Variants in ROR2 observed in about 807,000 individuals in gnomAD.
ROR2 encodes the protein ROR family WNT receptor 2, also known as tyrosine-protein kinase transmembrane receptor ROR2.
Under a neutral mutation model 74.9 loss-of-function variants are expected in ROR2, and 33 were observed. The observed-to-expected ratio is 0.44, with a 90% confidence interval of 0.33 to 0.59. The LOEUF (loss-of-function observed/expected upper bound fraction) is 0.59. ROR2 is among the 20% of genes least tolerant of loss of function. The probability of loss-of-function intolerance (pLI) is 0.02; values close to 1 mark genes in which losing one functional copy is unlikely to be tolerated. For missense variants in ROR2, 1,216 were observed against 1,313.8 expected, an observed-to-expected ratio of 0.93 and a Z score of 1.15; for synonymous variants, 586 against 558.7, an observed-to-expected ratio of 1.05 and a Z score of -0.69.
chr9:91,856,268 A>T (rs1829282442), intron 1 of ROR2, among the ~76,000 whole-genome samples: 1 of 152,174 alleles, frequency 6.6e-6, no homozygotes, highest in Admixed American at 6.5e-5. Flanking sequence ...AGGCAGGAGG[A>T]TCACCTAGCC....
chr9:91,889,866 C>T (rs754010136), intron 1 of ROR2, among the ~76,000 whole-genome samples: 10 of 152,232 alleles, frequency 6.6e-5, no homozygotes, highest in Non-Finnish European at 1.0e-4. Context: ...AAGACACACT[C>T]TGCACAGCAA....
At chr9:91,817,873 A>C (rs1827999138) in intron 1 of ROR2, among the ~76,000 whole-genome samples, 1 of 151,640 alleles carries the variant, frequency 6.6e-6, no homozygotes, top group South Asian at 2.1e-4. Context: ...GAGGGAGGGG[A>C]AGGGGCTATG....
chr9:91,817,949 G>A (rs1011725210), intron 1 of ROR2, among the ~76,000 whole-genome samples: 5 of 152,232 alleles, frequency 3.3e-5, no homozygotes, highest in African/African-American at 1.2e-4. Context: ...TATCAGGTGG[G>A]GGAAAGGGAG....
intron 1 of ROR2, among the ~76,000 whole-genome samples, chr9:91,875,694 A>T (rs964729572): frequency 1.6e-4 from 25 of 152,316 alleles, no homozygotes; most frequent in South Asian, 8.3e-4. Flanking sequence ...GTTTTCAGAG[A>T]CATTCTCTGG....
At chr9:91,859,763 T>C (rs1829413348) in intron 1 of ROR2, among the ~76,000 whole-genome samples, 1 of 152,128 alleles carries the variant, frequency 6.6e-6, no homozygotes, top group African/African-American at 2.4e-5. Flanking sequence ...AGGCAGAGCT[T>C]GCAGTGAGCT....
chr9:91,804,241 C>G (rs751092099), intron 1 of ROR2, among the ~76,000 whole-genome samples: 4 of 152,176 alleles, frequency 2.6e-5, no homozygotes, highest in Non-Finnish European at 5.9e-5. Flanking sequence ...CAGGAACTGG[C>G]AGGAGGGAAG....
chr9:91,795,145 A>G (rs1334075214), intron 1 of ROR2, among the ~76,000 whole-genome samples: 2 of 152,148 alleles, frequency 1.3e-5, no homozygotes, highest in East Asian at 3.8e-4. Flanking sequence ...GTAATGCATT[A>G]TATAACAAAA....
At chr9:91,918,587 G>GTAA (rs1831194309) in intron 1 of ROR2, among the ~76,000 whole-genome samples, 1 of 152,206 alleles carries the variant, frequency 6.6e-6, no homozygotes, top group African/African-American at 2.4e-5. Context: ...ATGACACAAT[G>GTAA]TAATATGTTG....
In ROR2 at chr9:91,731,010, C is replaced by G; in HGVS notation, c.1083G>C (p.Gly361=). ...SSTDFPELGG[G]HAYCRNPGGQ... is the part of the protein sequence containing the mutation. Reference sequence around the variant, plus strand: ...CTCCGGGGTTCCGGCAGTAGGCGTGCCCCCCTCCAAGCTCAGGGAAGTCTG... The same window carrying G: ...CTCCGGGGTTCCGGCAGTAGGCGTGGCCCCCTCCAAGCTCAGGGAAGTCTG... The change falls in exon 7 of 9, where the codon GGG becomes GGC. Residue 361 remains glycine (G), a synonymous_variant. Coordinates refer to ENST00000375708, the MANE Select transcript of ROR2 (RefSeq NM_004560.4). 6.2e-7 allele frequency: 1 copy of G among 1,614,148 alleles called. No individual in the cohort carries two copies.
At chr9:91,832,481 G>A (rs763380288) in intron 1 of ROR2, among the ~76,000 whole-genome samples, 1 of 150,878 alleles carries the variant, frequency 6.6e-6, no homozygotes, top group Non-Finnish European at 1.5e-5. Context: ...CAGGTATGCT[G>A]TCACATGACT....
At chr9:91,853,763 T>C (rs1244522628) in intron 1 of ROR2, among the ~76,000 whole-genome samples, 1 of 152,124 alleles carries the variant, frequency 6.6e-6, no homozygotes, top group Admixed American at 6.5e-5. Context: ...AAGAGCCGAG[T>C]TGGTCAAATT....
intron 1 of ROR2, among the ~76,000 whole-genome samples, chr9:91,802,008 C>T (rs1827396790): frequency 6.6e-6 from 1 of 151,990 alleles, no homozygotes; most frequent in African/African-American, 2.4e-5. Flanking sequence ...GACAGCCGAG[C>T]CCAAGCCATT....
At chr9:91,762,627 CTCT>C (rs1825950606) in intron 2 of ROR2, among the ~76,000 whole-genome samples, 1 of 152,176 alleles carries the variant, frequency 6.6e-6, no homozygotes, top group Non-Finnish European at 1.5e-5. Flanking sequence ...CCAAAACCTA[CTCT>C]TGCTTATTTT....
Position 91,724,757 on chromosome 9 carries a change from A to G in ROR2, c.1737T>C (p.Asp579=), listed in dbSNP as rs557064583. Residue 579 remains aspartate (D), a synonymous_variant, in exon 9 of 9, where the codon GAT becomes GAC. Transcript: ENST00000375708. ...CCAGGGCGGACTTCACCGTGCGGTC[A>G]TCATCGGTGCTGCCCACGTCCGAGT... is the stretch of plus-strand genomic sequence containing the variant. The part of the protein sequence containing the change: ...SPHSDVGSTD[D]DRTVKSALEP... The G allele has an allele frequency of 1.1e-5, 17 of 1,613,974 alleles. No homozygotes were observed. The East Asian group carries it at 2.7e-4, about 25-fold the overall frequency.
chr9:91,915,692 C>T (rs1052450456), intron 1 of ROR2, among the ~76,000 whole-genome samples: 5 of 152,076 alleles, frequency 3.3e-5, no homozygotes, highest in African/African-American at 1.2e-4. Flanking sequence ...CTTATTTGTC[C>T]CCTCCCACAT....
At chr9:91,851,893 G>A (rs1480451144) in intron 1 of ROR2, among the ~76,000 whole-genome samples, 2 of 151,250 alleles carry the variant, frequency 1.3e-5, no homozygotes, top group Non-Finnish European at 2.9e-5. Flanking sequence ...GGAGAATCGC[G>A]TGAACCTGGG....
At chr9:91,736,273 G>A (rs950118802) in intron 5 of ROR2, among the ~76,000 whole-genome samples, 3 of 152,170 alleles carry the variant, frequency 2.0e-5, no homozygotes, top group Admixed American at 1.3e-4. Flanking sequence ...CAGCACATGG[G>A]CCAGGCAGTC....
chr9:91,822,949 A>G (rs1287984649), intron 1 of ROR2, among the ~76,000 whole-genome samples: 4 of 152,246 alleles, frequency 2.6e-5, no homozygotes, highest in Non-Finnish European at 5.9e-5. Context: ...AGACAGTAAG[A>G]AACATCACCG....
chr9:91,866,417 CTTT>C (rs59024037), intron 1 of ROR2, among the ~76,000 whole-genome samples: 23,700 of 101,694 alleles, frequency 0.23, 1,342 homozygotes, highest in East Asian at 0.35. Flanking sequence ...CACGCCCAGT[CTTT>C]TTTTTTTTTT....
Sources: gnomAD v4.1 joint callset for allele counts (sites outside exome capture counted in the v4.1 genomes callset) on GRCh38, gnomAD v4.1.1 for gene constraint, MANE v1.5 for transcripts, NCBI Gene and HGNC (gene_info 2026-07-23, HGNC 2026-07-21) for gene names.